Variants in DCAF8L2 observed in about 807,000 individuals in gnomAD.
The protein encoded by DCAF8L2 is DDB1- and CUL4-associated factor 8-like protein 2.
For synonymous variants in DCAF8L2, 200 were observed against 190.9 expected (o/e 1.05, Z -0.39); for missense variants, 430 against 490.7 (o/e 0.88, Z 1.17).
the DCAF8L2 span, among the ~76,000 whole-genome samples, chrX:27,532,888 C>A: frequency 3.8e-5 from 4 of 105,625 alleles, no homozygotes; most frequent in African/African-American, 1.4e-4. Context: ...ACAGCCTGGG[C>A]AGCATGGCAA....
At chrX:27,558,080 A>T in the DCAF8L2 span, among the ~76,000 whole-genome samples, 1 of 111,391 alleles carries the variant, frequency 9.0e-6, no homozygotes, top group African/African-American at 3.3e-5. Flanking sequence ...CATGACGCAG[A>T]TCCTCACTCT....
chrX:27,628,139 A>G (rs1402914859), intron 1 of DCAF8L2, among the ~76,000 whole-genome samples: 2 of 111,251 alleles, frequency 1.8e-5, no homozygotes, highest in African/African-American at 6.5e-5. Flanking sequence ...TTTTCCTTCC[A>G]TGAATTTGAC....
intron 2 of DCAF8L2, chrX:27,676,843 G>C (rs1452845475): frequency 9.0e-6 from 1 of 111,312 alleles, no homozygotes; most frequent in Non-Finnish European, 1.9e-5. Context: ...GCATCCCCCG[G>C]GGACAAGTTT....
chrX:27,571,152 G>C, the DCAF8L2 span, among the ~76,000 whole-genome samples: 1 of 111,861 alleles, frequency 8.9e-6, no homozygotes, highest in Non-Finnish European at 1.9e-5. Context: ...AGCTTGCTTT[G>C]TTGTGGCTCA....
At chrX:27,540,714 G>A in the DCAF8L2 span, among the ~76,000 whole-genome samples, 1 of 111,298 alleles carries the variant, frequency 9.0e-6, no homozygotes, top group Non-Finnish European at 1.9e-5. Flanking sequence ...CTGGAAGAGT[G>A]GATTTTGAAT....
the DCAF8L2 span, among the ~76,000 whole-genome samples, chrX:27,479,235 C>A: frequency 6.3e-5 from 7 of 110,952 alleles, no homozygotes; most frequent in African/African-American, 2.0e-4. Context: ...AACAGTTCTC[C>A]TGAGGAACTG....
intron 4 of DCAF8L2, among the ~76,000 whole-genome samples, chrX:27,720,369 A>ATT (rs201470053): frequency 1.9e-5 from 2 of 106,458 alleles, no homozygotes; most frequent in African/African-American, 7.5e-5. Context: ...GATTATTATT[A>ATT]TTATTATTTT....
At chrX:27,574,473 A>G in the DCAF8L2 span, among the ~76,000 whole-genome samples, 1 of 112,285 alleles carries the variant, frequency 8.9e-6, no homozygotes, top group African/African-American at 3.2e-5. Flanking sequence ...TCCTTCTCTC[A>G]GGTGCCACTG....
chrX:27,547,871 TTCTC>T, the DCAF8L2 span, among the ~76,000 whole-genome samples: 23 of 19,257 alleles, frequency 1.2e-3, no homozygotes, highest in Admixed American at 7.8e-3. Context: ...CTCTCTCTCT[TTCTC>T]TCTCTCTCTC....
At position 27,731,304 on chromosome X, in the gene DCAF8L2, G is replaced by A. The variant is rs772382389; in HGVS notation, c.-59+15133G>A. ...CACGTGCCAGCAATCCCAGCTATTC[G>A]GGTGGCTGAGGCACGAACCTGGAGA... On this transcript the variant is annotated intron_variant, in intron 4 of 4. Coordinates refer to ENST00000451261, the MANE Select transcript of DCAF8L2 (RefSeq NM_001353450.2). 5.4e-5 allele frequency among the ~76,000 whole-genome samples: 6 copies of A among 110,943 alleles called. No homozygotes were observed. The South Asian group carries it at 1.9e-3, about 36-fold the overall frequency.
intron 2 of DCAF8L2, among the ~76,000 whole-genome samples, chrX:27,648,054 CAGG>C (rs1408343242): frequency 1.8e-5 from 2 of 111,164 alleles, no homozygotes; most frequent in Middle Eastern, 4.7e-3. Flanking sequence ...AAAGAATTCA[CAGG>C]CTGACTTCAT....
upstream of DCAF8L2, among the ~76,000 whole-genome samples, chrX:27,586,180 A>G (rs974513626): frequency 2.7e-5 from 3 of 111,049 alleles, no homozygotes; most frequent in African/African-American, 9.8e-5. Context: ...CACTCCAAGT[A>G]GTGACAAGGT....
At chrX:27,498,536 C>T in the DCAF8L2 span, among the ~76,000 whole-genome samples, 3 of 112,534 alleles carry the variant, frequency 2.7e-5, no homozygotes. Flanking sequence ...TAGCCATCAA[C>T]AACACATGTA....
chrX:27,579,914 TTAAA>T, the DCAF8L2 span, among the ~76,000 whole-genome samples: 3 of 108,670 alleles, frequency 2.8e-5, no homozygotes, highest in African/African-American at 9.9e-5. Flanking sequence ...AATTATTATA[TTAAA>T]TAATATAGTT....
At chrX:27,583,070 T>C in the DCAF8L2 span, among the ~76,000 whole-genome samples, 1 of 111,474 alleles carries the variant, frequency 9.0e-6, no homozygotes, top group Non-Finnish European at 1.9e-5. Flanking sequence ...AAAAGTGAAT[T>C]TTCTATTTCT....
At chrX:27,624,472 C>T (rs905034006) in intron 1 of DCAF8L2, among the ~76,000 whole-genome samples, 10 of 110,162 alleles carry the variant, frequency 9.1e-5, no homozygotes, top group Admixed American at 1.9e-4. Context: ...GCTATCACTA[C>T]TAAGAACATT....
At chrX:27,596,216 A>T (rs1198894544) in intron 1 of DCAF8L2, among the ~76,000 whole-genome samples, 2 of 111,699 alleles carry the variant, frequency 1.8e-5, no homozygotes, top group Non-Finnish European at 3.8e-5. Flanking sequence ...AGCAGGATTT[A>T]TTTTCCTACT....
chrX:27,519,350 C>A, the DCAF8L2 span: 1 of 1,142,689 alleles, frequency 8.8e-7, no homozygotes, highest in Non-Finnish European at 1.2e-6. Context: ...GCTGAAGAGG[C>A]GAAGTCTGCC....
At chrX:27,517,807 T>C in the DCAF8L2 span, 9 of 1,109,736 alleles carry the variant, frequency 8.1e-6, no homozygotes, top group Admixed American at 2.2e-5. Context: ...TTGTATTGCC[T>C]TGTCGAATCT....
Sources: allele counts gnomAD v4.1 joint callset (sites outside exome capture counted in the v4.1 genomes callset), GRCh38; gene constraint gnomAD v4.1.1; transcripts MANE v1.5; gene names NCBI Gene and HGNC (gene_info 2026-07-23, HGNC 2026-07-21).